CXCL12: variants seen among roughly 807,000 people sequenced by gnomAD.
CXCL12 encodes the protein stromal cell-derived factor 1.
In CXCL12, 4 loss-of-function variants were observed where a neutral mutation model predicts 10.7. The observed-to-expected ratio is 0.37, with a 90% CI of 0.18 to 0.86. The LOEUF (loss-of-function observed/expected upper bound fraction) is 0.86. Ranked by LOEUF, CXCL12 falls within the 40% of genes least tolerant of loss-of-function variation. The pLI is 0.43. For synonymous variants in CXCL12, 54 were observed against 45.4 expected (o/e 1.19, Z -0.77); for missense variants, 122 against 110.4 (o/e 1.10, Z -0.47).
downstream of CXCL12, chr10:44,372,687 G>C: frequency 1.4e-6 from 2 of 1,415,992 alleles, no homozygotes; most frequent in Non-Finnish European, 9.2e-7. Flanking sequence ...GACAGAGAAT[G>C]ATGAGCAGAA....
rs1839536805 is a variant in CXCL12, at chr10:44,378,734, A to T, written c.180-11T>A. 1.9e-6 allele frequency: 3 copies of T among 1,614,022 alleles called. No homozygotes were observed. The South Asian group carries it at 3.3e-5, about 18-fold the overall frequency. Reference sequence around the variant, plus strand: ...TTCTTCAGCCGGGCTCTGTGAAAACAGAATGGCAACAGTGTGCGGCTGCAC... The same window carrying T: ...TTCTTCAGCCGGGCTCTGTGAAAACTGAATGGCAACAGTGTGCGGCTGCAC... On this transcript the variant is annotated splice_polypyrimidine_tract_variant and intron_variant, in intron 2 of 2. Transcript: ENST00000343575.
At chr10:44,379,825 A>T (rs4948880) in intron 2 of CXCL12, among the ~76,000 whole-genome samples, 144,127 of 152,296 alleles carry the variant, frequency 0.95, 68,684 homozygotes, top group East Asian at 1. Context: ...GGCAAAGTAC[A>T]GAAAAAACAT....
Position 44,383,612 on chromosome 10 carries a change from G to GGT in CXCL12, c.61+1332_61+1333insAC, listed in dbSNP as rs1490424388. Among the ~76,000 whole-genome samples the GGT allele has an allele frequency of 3.3e-5, 3 of 91,450 alleles. 1 individual carries two copies. Among genetic ancestry groups the GGT allele is most frequent in the African/African-American group, 7.6e-5 (2 of 26,350 alleles). 60.0% of individuals were successfully genotyped at this position (91,450 alleles called of 152,430 possible). On this transcript the variant is annotated intron_variant, in intron 1 of 2. Transcript: ENST00000343575. ...TAGAAACATGCCCCATGACTTGCGG[G>GGT]GGGGGGGGGGGGTCAGTGTGCAGAC... is the stretch of plus-strand genomic sequence containing the variant.
chr10:44,380,796 A>G lies in CXCL12; in HGVS notation c.146T>C (p.Ile49Thr), dbSNP rs1179073929. 1.2e-6 allele frequency: 2 copies of G among 1,614,192 alleles called. No homozygotes were observed. Among genetic ancestry groups the G allele is most frequent in the South Asian group, 1.1e-5 (1 of 91,080 alleles). The change falls in exon 2 of 3, where the codon ATT (isoleucine) becomes ACT (threonine). Residue 49 changes from isoleucine (I) to threonine (T), a missense_variant. Coordinates refer to ENST00000343575, the MANE Select transcript of CXCL12 (RefSeq NM_199168.4). ...AAGGGCACAGTTTGGAGTGTTGAGA[A>G]TTTTGAGATGCTTGACGTTGGCTCT... ...VARANVKHLK[I>T]LNTPNCALQI...
At chr10:44,371,759 G>GTT (rs1564457281), downstream of CXCL12, 1 of 152,202 alleles carries the variant, frequency 6.6e-6, no homozygotes, top group African/African-American at 2.4e-5. Flanking sequence ...TGACTTCCTT[G>GTT]TTTTCCACTT....
At chr10:44,374,485 A>G (rs1436443666), downstream of CXCL12, 1 of 456,048 alleles carries the variant, frequency 2.2e-6, no homozygotes, top group East Asian at 7.0e-5. Flanking sequence ...GCACCCCTGT[A>G]CCCAGGGCTC....
chr10:44,381,065 G>C lies in CXCL12; in HGVS notation c.62-185C>G, dbSNP rs964594313. 7.2e-5 allele frequency among the ~76,000 whole-genome samples: 11 copies of C among 152,240 alleles called. No individual in the cohort carries two copies. The South Asian group carries it at 2.3e-3, about 32-fold the overall frequency. On this transcript the variant is annotated intron_variant, in intron 1 of 2. Coordinates refer to ENST00000343575, the MANE Select transcript of CXCL12 (RefSeq NM_199168.4). ...AGGCAACACAGTGAGTGCTGGCTGAGCTCAGGCTCAGCTTCTACAGGGCAA... is the reference window on the plus strand; with the variant it reads ...AGGCAACACAGTGAGTGCTGGCTGACCTCAGGCTCAGCTTCTACAGGGCAA...
rs1426424691 is a variant in CXCL12, at chr10:44,385,019, G to A, written c.-14C>T. ...CTTGGCGTTCATGGCGCGGGCGGGCGGGCGGGCGGGCGGACGAGCGCGGGT... is the reference window on the plus strand; with the variant it reads ...CTTGGCGTTCATGGCGCGGGCGGGCAGGCGGGCGGGCGGACGAGCGCGGGT... On this transcript the variant is annotated 5_prime_UTR_variant, in exon 1 of 3. Coordinates refer to ENST00000343575, the MANE Select transcript of CXCL12 (RefSeq NM_199168.4). 3.4e-6 allele frequency: 5 copies of A among 1,451,720 alleles called. No homozygotes were observed. Among genetic ancestry groups the A allele is most frequent in the East Asian group, 2.9e-5 (1 of 34,298 alleles). 89.9% of individuals were successfully genotyped at this position (1,451,720 alleles called of 1,614,324 possible). A position where few individuals can be genotyped will look rare whatever the true frequency, so the allele number is the denominator to read the frequency against.
chr10:44,372,212 CTTGGCCCT>C (rs1261701143), downstream of CXCL12: 1 of 152,358 alleles, frequency 6.6e-6, no homozygotes, highest in Non-Finnish European at 1.5e-5. Context: ...CAGTGCTGGG[CTTGGCCCT>C]AGTTTGAAGG....
chr10:44,380,833 T>C lies in CXCL12; in HGVS notation c.109A>G (p.Ser37Gly), dbSNP rs1839608389. ...TTGACGTTGGCTCTGGCAACATGGC[T>C]TTCGAAGAATCGGCATGGGCATCTG... Reference protein sequence around the residue: ...SYRCPCRFFESHVARANVKHL... With the variant: ...SYRCPCRFFEGHVARANVKHL... Residue 37 changes from serine (S) to glycine (G), a missense_variant, in exon 2 of 3, where the codon AGC becomes GGC. Coordinates refer to ENST00000343575, the MANE Select transcript of CXCL12 (RefSeq NM_199168.4). 1 of 1,614,224 alleles carries C rather than the reference T, an allele frequency of 6.2e-7. No individual in the cohort carries two copies. Among genetic ancestry groups the C allele is most frequent in the African/African-American group, 1.3e-5 (1 of 75,050 alleles).
At chr10:44,375,806 C>A (rs931454365), downstream of CXCL12, 10 of 1,502,194 alleles carry the variant, frequency 6.7e-6, no homozygotes, top group African/African-American at 1.4e-4. Flanking sequence ...GGCAGGGCAG[C>A]AAAGCACTGC....
intron 1 of CXCL12, among the ~76,000 whole-genome samples, chr10:44,384,379 G>C (rs1479829036): frequency 6.6e-6 from 1 of 152,186 alleles, no homozygotes; most frequent in Non-Finnish European, 1.5e-5. Flanking sequence ...GCCCGCGCCT[G>C]GCCAAGAGCC....
chr10:44,384,171 C>G (rs1381186987), intron 1 of CXCL12, among the ~76,000 whole-genome samples: 1 of 152,180 alleles, frequency 6.6e-6, no homozygotes, highest in African/African-American at 2.4e-5. Context: ...AAGAGCCTGT[C>G]TGCAGGTGTG....
chr10:44,374,941 C>G (rs1839414508), downstream of CXCL12, among the ~76,000 whole-genome samples: 1 of 152,226 alleles, frequency 6.6e-6, no homozygotes, highest in Non-Finnish European at 1.5e-5. Context: ...CTCACACATA[C>G]ATCTACATGG....
chr10:44,384,900 C>A (rs766943804), intron 1 of CXCL12, 45 bp downstream of exon 1: 2 of 1,510,564 alleles, frequency 1.3e-6, no homozygotes, highest in African/African-American at 1.5e-5. Context: ...GGGCGGGAGC[C>A]GAAGCCCAGA....
Position 44,377,523 on chromosome 10 carries a change from C to T in CXCL12, c.*1110G>A, listed in dbSNP as rs1242459814. 3 of 1,409,868 alleles carry T rather than the reference C, an allele frequency of 2.1e-6. No homozygotes were observed. The African/African-American group carries it at 4.4e-5, about 20-fold the overall frequency. 87.3% of individuals were successfully genotyped at this position (1,409,868 alleles called of 1,614,324 possible). Reference sequence around the variant, plus strand: ...ACCTTGCCAACAGTTCTGATTGGAACCTGAAACCCTGCTGTGGCTTCAGGA... The same window carrying T: ...ACCTTGCCAACAGTTCTGATTGGAATCTGAAACCCTGCTGTGGCTTCAGGA... On this transcript the variant is annotated 3_prime_UTR_variant, in exon 3 of 3. Coordinates refer to ENST00000343575, the MANE Select transcript of CXCL12 (RefSeq NM_199168.4).
At position 44,378,454 on chromosome 10, in the gene CXCL12, T is replaced by G. The variant is rs1839526196; in HGVS notation, c.*179A>C. 1 of 1,540,530 alleles carries G rather than the reference T, an allele frequency of 6.5e-7. No individual in the cohort carries two copies. On this transcript the variant is annotated 3_prime_UTR_variant, in exon 3 of 3. Coordinates refer to ENST00000343575, the MANE Select transcript of CXCL12 (RefSeq NM_199168.4). ...GCAATATCATACCGTATGCTATAAATGCAGGGTCTAAATGCTGGCAAACCT... is the reference window on the plus strand; with the variant it reads ...GCAATATCATACCGTATGCTATAAAGGCAGGGTCTAAATGCTGGCAAACCT...
At chr10:44,378,925 T>A (rs553911556) in intron 2 of CXCL12, among the ~76,000 whole-genome samples, 1 of 152,136 alleles carries the variant, frequency 6.6e-6, no homozygotes, top group African/African-American at 2.4e-5. Flanking sequence ...TGCAGAGACA[T>A]GGAAATGTGA....
At chr10:44,375,679 G>C (rs1839430384), downstream of CXCL12, among the ~76,000 whole-genome samples, 1 of 152,252 alleles carries the variant, frequency 6.6e-6, no homozygotes, top group South Asian at 2.1e-4. Context: ...AGAGTCCTGA[G>C]CACACAGGCT....
Sources: allele counts gnomAD v4.1 joint callset (sites outside exome capture counted in the v4.1 genomes callset), GRCh38; gene constraint gnomAD v4.1.1; transcripts MANE v1.5; gene names NCBI Gene and HGNC (gene_info 2026-07-23, HGNC 2026-07-21).